EPHB1: variants seen among roughly 807,000 people sequenced by gnomAD.
EPHB1 encodes EPH receptor B1, also known as ephrin type-B receptor 1.
Under a neutral mutation model 94.4 loss-of-function variants are expected in EPHB1, and 30 were observed. That is an observed-to-expected ratio of 0.32 (90% confidence interval 0.24 to 0.43). The LOEUF is 0.43. Among genes scored for constraint, EPHB1 ranks in the 20% least tolerant of loss-of-function variants. EPHB1 has a pLI of 1.00. For missense variants in EPHB1, 1,055 were observed against 1,308.3 expected, an observed-to-expected ratio of 0.81 and a Z score of 2.99; for synonymous variants, 522 against 489.1, an observed-to-expected ratio of 1.07 and a Z score of -0.89.
At chr3:135,184,548 A>C (rs909961313) in intron 10 of EPHB1, among the ~76,000 whole-genome samples, 4 of 152,226 alleles carry the variant, frequency 2.6e-5, no homozygotes, top group Admixed American at 6.5e-5. Context: ...AGTGCATGGC[A>C]CTTAAATGCT....
chr3:134,996,498 T>C (rs1935000082), intron 3 of EPHB1, among the ~76,000 whole-genome samples: 2 of 152,290 alleles, frequency 1.3e-5, no homozygotes, highest in African/African-American at 4.8e-5. Context: ...TAATAGATAA[T>C]ATTCTTAAGA....
chr3:134,835,325 G>A (rs2036653666), intron 1 of EPHB1, among the ~76,000 whole-genome samples: 1 of 152,232 alleles, frequency 6.6e-6, no homozygotes, highest in Non-Finnish European at 1.5e-5. Context: ...CCTGCCTTGA[G>A]CTGGACAGCA....
intron 13 of EPHB1, among the ~76,000 whole-genome samples, chr3:135,241,934 G>A (rs1028381604): frequency 1.3e-5 from 2 of 152,170 alleles, no homozygotes; most frequent in African/African-American, 2.4e-5. Flanking sequence ...TCTGTGGGGA[G>A]GTCAACACTC....
intron 3 of EPHB1, among the ~76,000 whole-genome samples, chr3:134,957,437 C>A (rs1933320795): frequency 6.6e-6 from 1 of 152,140 alleles, no homozygotes; most frequent in South Asian, 2.1e-4. Flanking sequence ...GAGGGGACTG[C>A]AGGAGCAGGC....
chr3:134,895,738 A>C (rs532385448), intron 1 of EPHB1, among the ~76,000 whole-genome samples: 1 of 152,330 alleles, frequency 6.6e-6, no homozygotes, highest in East Asian at 1.9e-4. Flanking sequence ...TTTCTATTCA[A>C]GTTTCAACTG....
At chr3:134,842,094 T>C (rs556121838) in intron 1 of EPHB1, among the ~76,000 whole-genome samples, 1 of 152,276 alleles carries the variant, frequency 6.6e-6, no homozygotes, top group East Asian at 1.9e-4. Context: ...AAGTCAGTCA[T>C]GACAGTGGCC....
intron 1 of EPHB1, among the ~76,000 whole-genome samples, chr3:134,888,097 G>A (rs2108314295): frequency 6.6e-6 from 1 of 152,330 alleles, no homozygotes; most frequent in East Asian, 1.9e-4. Flanking sequence ...TTGAAAACGG[G>A]TGGCGAGGCA....
rs1942696732 is a variant in EPHB1, at chr3:135,199,196, C to T, written c.2131-2278C>T. Among the ~76,000 whole-genome samples, 2 of 152,136 alleles carry T rather than the reference C, an allele frequency of 1.3e-5. 1 individual carries two copies. The highest frequency in any genetic ancestry group is 4.1e-4 in the South Asian group (2 of 4,828). On this transcript the variant is annotated intron_variant, in intron 11 of 15. Transcript: ENST00000398015. The stretch of plus-strand genomic sequence containing the variant: ...GTATGTGTAGACACTGTTGCCTATA[C>T]TTACAGAGAGGAAATAATAGACTGA...
intron 3 of EPHB1, among the ~76,000 whole-genome samples, chr3:135,063,394 T>C (rs1472354523): frequency 6.6e-6 from 1 of 152,176 alleles, no homozygotes; most frequent in Non-Finnish European, 1.5e-5. Flanking sequence ...CTTGTAGAGG[T>C]CTTTCACCTC....
chr3:134,805,388 C>T (rs1023773591), intron 1 of EPHB1, among the ~76,000 whole-genome samples: 5 of 152,180 alleles, frequency 3.3e-5, no homozygotes, highest in African/African-American at 1.2e-4. Context: ...CGGGGGCAGG[C>T]ACTGGTCAGA....
chr3:135,068,574 A>T (rs1452992411), intron 3 of EPHB1, among the ~76,000 whole-genome samples: 1 of 151,416 alleles, frequency 6.6e-6, no homozygotes, highest in Middle Eastern at 3.2e-3. Flanking sequence ...TATGATTTAC[A>T]TATATTTTCT....
At chr3:134,902,433 T>G (rs1331588083) in intron 1 of EPHB1, among the ~76,000 whole-genome samples, 1 of 152,202 alleles carries the variant, frequency 6.6e-6, no homozygotes, top group Admixed American at 6.5e-5. Context: ...TCCCAAGACT[T>G]TTATATTTAT....
intron 5 of EPHB1, among the ~76,000 whole-genome samples, chr3:135,143,954 C>T (rs1320574471): frequency 6.6e-6 from 1 of 152,204 alleles, no homozygotes; most frequent in South Asian, 2.1e-4. Context: ...TGCAGCCTGC[C>T]TCCTCCTCCA....
chr3:135,251,545 C>T (rs763659722), intron 15 of EPHB1, among the ~76,000 whole-genome samples: 4 of 152,200 alleles, frequency 2.6e-5, no homozygotes, highest in Non-Finnish European at 5.9e-5. Context: ...TGTCCACACA[C>T]TATTAGAGCA....
intron 3 of EPHB1, among the ~76,000 whole-genome samples, chr3:135,005,573 A>T (rs1293358659): frequency 2.0e-5 from 3 of 152,286 alleles, no homozygotes; most frequent in African/African-American, 7.2e-5. Context: ...GCTGCCTTGC[A>T]GTTTGATCTC....
chr3:135,032,255 TA>T (rs1559802520), intron 3 of EPHB1, among the ~76,000 whole-genome samples: 1 of 150,702 alleles, frequency 6.6e-6, no homozygotes, highest in African/African-American at 2.4e-5. Flanking sequence ...TTTTTTTTTT[TA>T]AATCTCTTTT....
chr3:134,857,059 T>G (rs1344474182), intron 1 of EPHB1, among the ~76,000 whole-genome samples: 1 of 152,188 alleles, frequency 6.6e-6, no homozygotes, highest in Non-Finnish European at 1.5e-5. Flanking sequence ...TGAGACCTTC[T>G]CAGGCGACTG....
At chr3:134,849,103 T>G (rs946036889) in intron 1 of EPHB1, among the ~76,000 whole-genome samples, 3 of 152,164 alleles carry the variant, frequency 2.0e-5, no homozygotes, top group African/African-American at 7.2e-5. Context: ...AGTGTGGTGC[T>G]TGGGCCAGCA....
rs1287297691 is a variant in EPHB1, at chr3:135,259,805, A to G, written c.*685A>G. 1 of 210,042 alleles carries G rather than the reference A, an allele frequency of 4.8e-6. No homozygotes were observed. Among genetic ancestry groups the G allele is most frequent in the Non-Finnish European group, 9.5e-6 (1 of 105,020 alleles). The allele number at this position is 210,042 out of a possible 1,614,324, so 13.0% of individuals were successfully genotyped here. ...TGCAAAAAGGAAAAAGAAACCACAA[A>G]TTGGGGAAAAAAAAAGAAGAAAAAC... On this transcript the variant is annotated 3_prime_UTR_variant, in exon 16 of 16. Coordinates refer to ENST00000398015, the MANE Select transcript of EPHB1 (RefSeq NM_004441.5).
Sources: gnomAD v4.1 joint callset for allele counts (sites outside exome capture counted in the v4.1 genomes callset) on GRCh38, gnomAD v4.1.1 for gene constraint, MANE v1.5 for transcripts, NCBI Gene and HGNC (gene_info 2026-07-23, HGNC 2026-07-21) for gene names.